Variants in GRIA2 observed in about 807,000 individuals in gnomAD.
The protein encoded by GRIA2 is glutamate ionotropic receptor AMPA type subunit 2, also known as glutamate receptor 2.
GRIA2 carries 14 observed loss-of-function variants against 97.3 expected under a neutral mutation model. That is an observed-to-expected ratio of 0.14 (90% CI 0.10 to 0.23). GRIA2 has a LOEUF of 0.23. Ranked by LOEUF, GRIA2 falls within the 10% of genes least tolerant of loss-of-function variation. GRIA2 has a pLI of 1.00. For synonymous variants in GRIA2, 412 were observed against 387.8 expected (o/e 1.06, Z -0.73); for missense variants, 558 against 1,069.8 (o/e 0.52, Z 6.67).
chr4:157,337,167 A>T (rs944005460), intron 11 of GRIA2, among the ~76,000 whole-genome samples: 3 of 152,076 alleles, frequency 2.0e-5, no homozygotes, highest in Non-Finnish European at 4.4e-5. Flanking sequence ...CACACATCTC[A>T]TCTCTTTTAT....
intron 2 of GRIA2, among the ~76,000 whole-genome samples, chr4:157,264,196 C>T (rs765196262): frequency 4.6e-5 from 7 of 151,854 alleles, no homozygotes; most frequent in Admixed American, 6.6e-5. Context: ...TACTACAAAC[C>T]GTGATTTATA....
intron 2 of GRIA2, among the ~76,000 whole-genome samples, chr4:157,259,735 C>G (rs1000090689): frequency 1.3e-5 from 2 of 152,124 alleles, no homozygotes; most frequent in Admixed American, 1.3e-4. Context: ...AGATTACAAA[C>G]TCTAACTTGT....
intron 3 of GRIA2, among the ~76,000 whole-genome samples, chr4:157,310,479 T>C (rs1407901263): frequency 6.6e-6 from 1 of 152,128 alleles, no homozygotes; most frequent in African/African-American, 2.4e-5. Flanking sequence ...ACTCTTAACA[T>C]GGCTTTATTA....
At chr4:157,252,403 T>C (rs972782469) in intron 2 of GRIA2, among the ~76,000 whole-genome samples, 8 of 152,106 alleles carry the variant, frequency 5.3e-5, no homozygotes, top group African/African-American at 1.9e-4. Flanking sequence ...ATAAAGTAAG[T>C]CTGTCACTTT....
At chr4:157,293,667 T>G (rs1733205608) in intron 2 of GRIA2, among the ~76,000 whole-genome samples, 1 of 152,144 alleles carries the variant, frequency 6.6e-6, no homozygotes, top group Non-Finnish European at 1.5e-5. Flanking sequence ...TTACAGACAT[T>G]TAATTTAGAG....
At chr4:157,331,722 A>G (rs1049200588) in intron 6 of GRIA2, among the ~76,000 whole-genome samples, 1 of 151,950 alleles carries the variant, frequency 6.6e-6, no homozygotes, top group African/African-American at 2.4e-5. Context: ...TCTTTTTTCC[A>G]TGACAAGGAA....
chr4:157,323,140 C>T (rs373244295), intron 6 of GRIA2, among the ~76,000 whole-genome samples: 4 of 151,614 alleles, frequency 2.6e-5, no homozygotes, highest in Non-Finnish European at 5.9e-5. Context: ...TCGAGACCAT[C>T]CTGGATAACA....
intron 5 of GRIA2, among the ~76,000 whole-genome samples, 168 bp downstream of exon 5, chr4:157,317,879 G>A (rs1326225828): frequency 1.3e-5 from 2 of 152,120 alleles, no homozygotes; most frequent in Non-Finnish European, 2.9e-5. Flanking sequence ...GGGAGGCTGA[G>A]GCAGGAAAAT....
At chr4:157,290,124 AATCAGTC>A (rs1181767730) in intron 2 of GRIA2, among the ~76,000 whole-genome samples, 24 of 152,012 alleles carry the variant, frequency 1.6e-4, no homozygotes, top group African/African-American at 5.1e-4. Context: ...TGGTTATAGA[AATCAGTC>A]ATACTGTCCT....
chr4:157,289,296 C>A lies in GRIA2; in HGVS notation c.230-14256C>A, dbSNP rs370293072. Among the ~76,000 whole-genome samples, 11 of 151,832 alleles carry A rather than the reference C, an allele frequency of 7.2e-5. No homozygotes were observed. The East Asian group carries it at 1.2e-3, about 16-fold the overall frequency. On this transcript the variant is annotated intron_variant, in intron 2 of 15. Coordinates refer to ENST00000264426, the MANE Select transcript of GRIA2 (RefSeq NM_001083619.3). The stretch of plus-strand genomic sequence containing the variant: ...ATTAAAAAATGTTTTTTGTTTAGTA[C>A]CTGAGCATTGCTGGAAGTAATGAAA...
intron 2 of GRIA2, among the ~76,000 whole-genome samples, 167 bp from the exon 3 acceptor site, chr4:157,303,385 T>C (rs1352784599): frequency 6.6e-6 from 1 of 152,208 alleles, no homozygotes; most frequent in Non-Finnish European, 1.5e-5. Context: ...ACAAATAGAA[T>C]GCTAAGTAAA....
At position 157,356,523 on chromosome 4, in the gene GRIA2, G is replaced by T. The variant is rs1736386006; in HGVS notation, c.2044-3373G>T. Among the ~76,000 whole-genome samples the T allele has an allele frequency of 3.9e-5, 6 of 151,934 alleles. No individual in the cohort carries two copies. In the South Asian group the frequency reaches 1.0e-3, roughly 26 times the overall value. ...AAATGTAGATGTTGCTTATGAGGGT[G>T]GTGATCATCATTGCCTGGCGTTCAT... On this transcript the variant is annotated intron_variant, in intron 12 of 15. Transcript: ENST00000264426.
chr4:157,324,370 G>A (rs1734714378), intron 6 of GRIA2, among the ~76,000 whole-genome samples: 1 of 152,136 alleles, frequency 6.6e-6, no homozygotes. Context: ...AATGAAAAAT[G>A]TATGAATCCT....
intron 12 of GRIA2, among the ~76,000 whole-genome samples, chr4:157,343,086 CTT>C (rs1283297337): frequency 6.6e-6 from 1 of 152,082 alleles, no homozygotes; most frequent in Non-Finnish European, 1.5e-5. Context: ...TGTTGCTACT[CTT>C]TTGTTTCAGT....
intron 12 of GRIA2, among the ~76,000 whole-genome samples, chr4:157,359,302 C>A (rs915901583): frequency 2.6e-5 from 4 of 151,804 alleles, no homozygotes; most frequent in African/African-American, 4.8e-5. Flanking sequence ...TTTAAATATT[C>A]AAAGAAAAAA....
chr4:157,360,710 G>T, intron 13 of GRIA2: 21 of 490,768 alleles, frequency 4.3e-5, no homozygotes, highest in East Asian at 1.2e-4. Context: ...TTTTTTTAGT[G>T]GAGTCACATT....
intron 2 of GRIA2, among the ~76,000 whole-genome samples, chr4:157,247,831 C>T (rs1730798817): frequency 6.6e-6 from 1 of 152,042 alleles, no homozygotes; most frequent in Admixed American, 6.6e-5. Flanking sequence ...GTTAGTGAGG[C>T]AGGTGCAGGC....
chr4:157,316,526 A>C (rs1191519328), intron 4 of GRIA2, among the ~76,000 whole-genome samples: 1 of 152,034 alleles, frequency 6.6e-6, no homozygotes, highest in African/African-American at 2.4e-5. Flanking sequence ...AATGTTCAAG[A>C]GTTAATAAGG....
At chr4:157,340,184 A>T (rs1320449688) in intron 11 of GRIA2, among the ~76,000 whole-genome samples, 4 of 151,914 alleles carry the variant, frequency 2.6e-5, no homozygotes, top group Non-Finnish European at 5.9e-5. Flanking sequence ...AATTGTCAGA[A>T]ACTTTAGATC....
Sources: allele counts gnomAD v4.1 joint callset (sites outside exome capture counted in the v4.1 genomes callset), GRCh38; gene constraint gnomAD v4.1.1; transcripts MANE v1.5; gene names NCBI Gene and HGNC (gene_info 2026-07-23, HGNC 2026-07-21).